The following TRIM2 variants were observed in gnomAD, a reference collection of about 807,000 sequenced individuals.
TRIM2 encodes the protein tripartite motif-containing protein 2.
Under a neutral mutation model 75.2 loss-of-function variants are expected in TRIM2, and 20 were observed. That is an observed-to-expected ratio of 0.27 (90% CI 0.19 to 0.39). The LOEUF is 0.39. Ranked by LOEUF, TRIM2 falls within the 10% of genes least tolerant of loss-of-function variation. The pLI is 1.00. For missense variants in TRIM2, 660 were observed against 990.8 expected (o/e 0.67, Z 4.48); for synonymous variants, 373 against 388.3 (o/e 0.96, Z 0.46).
intron 1 of TRIM2, among the ~76,000 whole-genome samples, chr4:153,192,777 A>T (rs894506358): frequency 6.6e-6 from 1 of 152,006 alleles, no homozygotes; most frequent in South Asian, 2.1e-4. Flanking sequence ...AAACACTACC[A>T]AGGATGCTGT....
At chr4:153,292,869 C>A in intron 3 of TRIM2, 113 bp from the exon 4 acceptor site, 1 of 1,059,086 alleles carries the variant, frequency 9.4e-7, no homozygotes, top group Non-Finnish European at 1.3e-6. Flanking sequence ...ATAATGCTGA[C>A]ATTCTGGGGT....
chr4:153,224,140 G>A (rs1297061021), intron 1 of TRIM2, among the ~76,000 whole-genome samples: 2 of 152,138 alleles, frequency 1.3e-5, no homozygotes, highest in African/African-American at 4.8e-5. Flanking sequence ...ACTGGTACCT[G>A]CCCTTCAGCT....
chr4:153,177,086 T>C (rs113088724), intron 1 of TRIM2, among the ~76,000 whole-genome samples: 2 of 152,168 alleles, frequency 1.3e-5, no homozygotes, highest in African/African-American at 4.8e-5. Context: ...TGTTGGAGAA[T>C]CCCCAGCAAC....
intron 11 of TRIM2, among the ~76,000 whole-genome samples, chr4:153,329,453 G>C (rs954761582): frequency 1.3e-5 from 2 of 151,790 alleles, no homozygotes; most frequent in African/African-American, 4.8e-5. Context: ...TATTAGAAAA[G>C]AGGAAACATT....
intron 3 of TRIM2, among the ~76,000 whole-genome samples, chr4:153,277,365 T>A (rs72965099): frequency 0.021 from 3,169 of 152,304 alleles, 65 homozygotes; most frequent in African/African-American, 0.053. Flanking sequence ...TTACCCTCCA[T>A]CATGTCCCTG....
upstream of TRIM2, among the ~76,000 whole-genome samples, chr4:153,200,042 AGCGATTCTCCT>A (rs1734171200): frequency 6.6e-6 from 1 of 151,548 alleles, no homozygotes; most frequent in Non-Finnish European, 1.5e-5. Flanking sequence ...CCTGGGTTCA[AGCGATTCTCCT>A]GCCTCAGCCT....
rs1419944274 is a variant in TRIM2 at position 153,256,295 on chromosome 4, CAAAGGT to C, written c.31-14037_31-14032del. Reference sequence around the variant, plus strand: ...GTGATCCCCCTCCTCCTACTACCACCAAAGGTAATCACCACTGCTCTGCAGAGCTGA... The same window carrying C: ...GTGATCCCCCTCCTCCTACTACCACCAATCACCACTGCTCTGCAGAGCTGA... On this transcript the variant is annotated intron_variant, in intron 1 of 11. Transcript: ENST00000338700. Among the ~76,000 whole-genome samples the C allele has an allele frequency of 9.2e-5, 14 of 152,210 alleles. No homozygotes were observed. In the East Asian group the frequency reaches 2.7e-3, roughly 29 times the overall value.
At chr4:153,180,405 C>T (rs958934121) in intron 1 of TRIM2, among the ~76,000 whole-genome samples, 1 of 152,224 alleles carries the variant, frequency 6.6e-6, no homozygotes. Context: ...GAGACAGAGC[C>T]TTGAACCCCC....
At chr4:153,278,919 C>T (rs769748118) in intron 3 of TRIM2, among the ~76,000 whole-genome samples, 6 of 152,146 alleles carry the variant, frequency 3.9e-5, no homozygotes, top group South Asian at 2.1e-4. Flanking sequence ...ATGGAGACAG[C>T]GGAGTTGAGG....
At chr4:153,172,550 C>T (rs753479729) in intron 1 of TRIM2, among the ~76,000 whole-genome samples, 10 of 152,140 alleles carry the variant, frequency 6.6e-5, no homozygotes, top group Non-Finnish European at 1.5e-4. Flanking sequence ...GCTCAGTTTT[C>T]AGGAGATTTG....
intron 1 of TRIM2, chr4:153,257,538 T>C: frequency 7.8e-7 from 1 of 1,289,750 alleles, no homozygotes; most frequent in Non-Finnish European, 1.0e-6. Context: ...CTCTGTTCTG[T>C]GCATGAACTG....
rs1194336346 is a variant in TRIM2 at position 153,244,416 on chromosome 4, TC to T, written c.31-25918del. Among the ~76,000 whole-genome samples the T allele has an allele frequency of 9.7e-3, 921 of 94,480 alleles. 129 individuals carry two copies. Among genetic ancestry groups the T allele is most frequent in the Middle Eastern group, 0.024 (5 of 210 alleles). The allele number at this position is 94,480 out of a possible 152,430, so 62.0% of individuals were successfully genotyped here. On this transcript the variant is annotated intron_variant, in intron 1 of 11. Transcript: ENST00000338700. Reference sequence around the variant, plus strand: ...TTCTTCTTCTTCTTCTTCTTCTTCTTCTTCTTCTTCTTCTTCTTCTTTTAAT... The same window carrying T: ...TTCTTCTTCTTCTTCTTCTTCTTCTTTTCTTCTTCTTCTTCTTCTTTTAAT...
In TRIM2 at chr4:153,188,779, A is replaced by T. The variant is rs978165126; in HGVS notation, c.-49+35509A>T. On this transcript the variant is annotated intron_variant, in intron 1 of 11. Transcript: ENST00000437508. ...AAAAAAAAAGGAAGGATGAGGAAAC[A>T]GTCATCCAAATCATTTTCTGTCCTG... 4.6e-5 allele frequency among the ~76,000 whole-genome samples: 7 copies of T among 152,230 alleles called. No homozygotes were observed. In the East Asian group the frequency reaches 1.4e-3, roughly 29 times the overall value.
At position 153,334,927 on chromosome 4, in the gene TRIM2, T is replaced by C; in HGVS notation, c.2277T>C (p.Ser759=). The C allele has an allele frequency of 6.2e-7, 1 of 1,613,968 alleles. No individual in the cohort carries two copies. The highest frequency in any genetic ancestry group is 8.5e-7 in the Non-Finnish European group (1 of 1,179,906). The stretch of plus-strand genomic sequence containing the variant: ...ATGGTCATGTTGTGGTTGCAGACTC[T>C]GGAAATCACTGTTTCAAAGTCTATC... ...TSDGHVVVAD[S]GNHCFKVYRY... is the part of the protein sequence containing the mutation. Residue 759 remains serine, a synonymous_variant, in exon 12 of 12, where the codon TCT becomes TCC. Transcript: ENST00000338700.
intron 1 of TRIM2, among the ~76,000 whole-genome samples, chr4:153,262,561 C>G (rs72727902): frequency 0.085 from 12,877 of 151,904 alleles, 716 homozygotes; most frequent in Middle Eastern, 0.13. Context: ...AAATCCAGAC[C>G]CTGCACAATA....
intron 6 of TRIM2, among the ~76,000 whole-genome samples, chr4:153,311,087 T>A (rs1164217024): frequency 6.6e-6 from 1 of 152,218 alleles, no homozygotes; most frequent in East Asian, 1.9e-4. Context: ...GTCTTCCTTC[T>A]CCTTGCTCTG....
rs1554007406 is a variant in TRIM2, at chr4:153,339,084, T to A, written c.*4118T>A. On this transcript the variant is annotated 3_prime_UTR_variant, in exon 12 of 12. Transcript: ENST00000338700. ...ATTGATACTGATATATTCTCGTCAT[T>A]TGTTCTTTTATGAATCAAAATGTTG... 1.0e-6 allele frequency: 1 copy of A among 985,732 alleles called. No individual in the cohort carries two copies. The highest frequency in any genetic ancestry group is 1.2e-6 in the Non-Finnish European group (1 of 829,920). The allele number at this position is 985,732 out of a possible 1,614,324, so 61.1% of individuals were successfully genotyped here. A position where few individuals can be genotyped will look rare whatever the true frequency, so the allele number is the denominator to read the frequency against.
At chr4:153,249,146 G>C (rs1298546037) in intron 1 of TRIM2, among the ~76,000 whole-genome samples, 2 of 152,250 alleles carry the variant, frequency 1.3e-5, no homozygotes, top group Non-Finnish European at 2.9e-5. Flanking sequence ...TTTACAAAGT[G>C]GTTCTATTTC....
intron 1 of TRIM2, among the ~76,000 whole-genome samples, chr4:153,254,103 A>G (rs994063025): frequency 3.3e-5 from 5 of 152,164 alleles, no homozygotes; most frequent in Admixed American, 3.3e-4. Context: ...CAGAAGGTGG[A>G]AAATAATCAG....
Sources: gnomAD v4.1 joint callset for allele counts (sites outside exome capture counted in the v4.1 genomes callset) on GRCh38, gnomAD v4.1.1 for gene constraint, MANE v1.5 for transcripts, NCBI Gene and HGNC (gene_info 2026-07-23, HGNC 2026-07-21) for gene names.